Variants in C5 observed in about 807,000 individuals in gnomAD.
C5 encodes the protein C3 and PZP-like alpha-2-macroglobulin domain-containing protein 4.
In C5, 140 loss-of-function variants were observed where a neutral mutation model predicts 218.8. The ratio of observed to expected loss-of-function variants is 0.64; its 90% confidence interval spans 0.56 to 0.74. The LOEUF (loss-of-function observed/expected upper bound fraction) is 0.74. Ranked by LOEUF, C5 falls within the 30% of genes least tolerant of loss-of-function variation. The pLI is 0.00. For missense variants in C5, 1,700 were observed against 1,969.6 expected (o/e 0.86, Z 2.59); for synonymous variants, 614 against 682.3 (o/e 0.90, Z 1.56).
the C5 span, among the ~76,000 whole-genome samples, chr9:121,064,752 C>T: frequency 6.6e-6 from 1 of 152,058 alleles, no homozygotes; most frequent in Non-Finnish European, 1.5e-5. Flanking sequence ...ATTCAAACTA[C>T]AAATTTGGAA....
Position 120,953,719 on chromosome 9 carries a change from T to C in C5, c.4901+11A>G. ...GGGAAGATCAGTGACTGAAAAATAT[T>C]GGTGACTTACCTGAAACTGAAATTG... is the stretch of plus-strand genomic sequence containing the variant. On this transcript the variant is annotated intron_variant, in intron 40 of 40. Coordinates refer to ENST00000223642, the MANE Select transcript of C5 (RefSeq NM_001735.3). 5.6e-6 allele frequency: 9 copies of C among 1,613,842 alleles called. No individual in the cohort carries two copies. Among genetic ancestry groups the C allele is most frequent in the Non-Finnish European group, 7.6e-6 (9 of 1,179,708 alleles).
the C5 span, among the ~76,000 whole-genome samples, chr9:121,069,703 G>C: frequency 6.6e-6 from 1 of 152,016 alleles, no homozygotes; most frequent in African/African-American, 2.4e-5. Flanking sequence ...TAGTAGAGAT[G>C]AGGTCTCACT....
chr9:121,015,725 C>A (rs1212159514), intron 15 of C5, among the ~76,000 whole-genome samples: 13 of 152,134 alleles, frequency 8.5e-5, no homozygotes, highest in Admixed American at 8.5e-4. Flanking sequence ...GCTCCTGATG[C>A]AGTAGGTGAG....
At chr9:121,005,831 C>CT in intron 20 of C5, 88 bp downstream of exon 20, 1 of 1,379,078 alleles carries the variant, frequency 7.3e-7, no homozygotes, top group Non-Finnish European at 1.0e-6. Context: ...TGAACTTCTA[C>CT]TTTTTTGTGT....
At chr9:120,953,966 G>A in intron 39 of C5, 98 bp from the exon 40 acceptor site, 4 of 1,271,492 alleles carry the variant, frequency 3.1e-6, no homozygotes, top group East Asian at 2.3e-5. Context: ...CTATTGAGAG[G>A]TTCATGGCTA....
At chr9:120,966,684 A>T (rs1275310827) in intron 33 of C5, among the ~76,000 whole-genome samples, 2 of 152,148 alleles carry the variant, frequency 1.3e-5, no homozygotes, top group Non-Finnish European at 2.9e-5. Flanking sequence ...ATTTAGGGGG[A>T]AAGAAGCTGC....
At chr9:121,024,907 G>A (rs906148983) in intron 9 of C5, among the ~76,000 whole-genome samples, 2 of 152,092 alleles carry the variant, frequency 1.3e-5, no homozygotes, top group African/African-American at 4.8e-5. Context: ...ATATCTCATA[G>A]ATACTGCTTA....
intron 15 of C5, among the ~76,000 whole-genome samples, chr9:121,015,821 C>T (rs1284061904): frequency 6.6e-6 from 1 of 152,094 alleles, no homozygotes; most frequent in Non-Finnish European, 1.5e-5. Flanking sequence ...GCAATAGCCT[C>T]CCTATTAAAG....
intron 30 of C5, 21 bp from the exon 31 acceptor site, chr9:120,972,013 C>T (rs1588170565): frequency 8.0e-7 from 1 of 1,250,326 alleles, no homozygotes; most frequent in African/African-American, 5.0e-5. Flanking sequence ...AATAGAGAAA[C>T]AAACCATGCT....
At position 120,981,927 on chromosome 9, in the gene C5, C is replaced by G; in HGVS notation, c.3403G>C (p.Val1135Leu). Residue 1135 changes from valine (V) to leucine (L), a missense_variant, in exon 27 of 41, where the codon GTT becomes CTT. Coordinates refer to ENST00000223642, the MANE Select transcript of C5 (RefSeq NM_001735.3). ...TATAAGCTGTTCTCTCGGGCTTCAA[C>G]AGGCAAGGTACCCTAAAAAGAAGCA... ...QPIKLQGTLP[V>L]EARENSLYLT... 1 of 1,613,122 alleles carries G rather than the reference C, an allele frequency of 6.2e-7. No individual in the cohort carries two copies.
intron 20 of C5, 59 bp from the exon 21 acceptor site, chr9:120,997,833 T>G: frequency 7.0e-7 from 1 of 1,428,888 alleles, no homozygotes; most frequent in Non-Finnish European, 9.7e-7. Context: ...GACAGAGTCT[T>G]GCTATGTCGC....
chr9:121,061,839 G>A, the C5 span, among the ~76,000 whole-genome samples: 1 of 152,116 alleles, frequency 6.6e-6, no homozygotes, highest in Admixed American at 6.5e-5. Flanking sequence ...TAGCTCAGCT[G>A]TTTTTATTTT....
chr9:121,062,728 T>C, the C5 span, among the ~76,000 whole-genome samples: 2 of 152,244 alleles, frequency 1.3e-5, no homozygotes, highest in Non-Finnish European at 2.9e-5. Context: ...ATCACCAAAG[T>C]GATGGTATTT....
At chr9:120,964,516 G>A (rs1473295002) in intron 33 of C5, among the ~76,000 whole-genome samples, 1 of 152,146 alleles carries the variant, frequency 6.6e-6, no homozygotes, top group African/African-American at 2.4e-5. Context: ...TAGCTACTTT[G>A]GATGGTGAGA....
At chr9:120,969,936 A>G (rs763594198) in intron 32 of C5, among the ~76,000 whole-genome samples, 28 of 152,250 alleles carry the variant, frequency 1.8e-4, no homozygotes, top group Non-Finnish European at 3.7e-4. Flanking sequence ...ATTGATCAAT[A>G]GCAAATACAT....
At position 120,980,263 on chromosome 9, in the gene C5, A is replaced by C. The variant is rs1232265271; in HGVS notation, c.3487-9T>G. ...AGAGCTGTGTCGATTTTCTGGAAAC[A>C]AGAGAAGATACTTCAGTTTCTATGT... On this transcript the variant is annotated splice_polypyrimidine_tract_variant and intron_variant, in intron 27 of 40. Transcript: ENST00000223642. 6.2e-7 allele frequency: 1 copy of C among 1,613,660 alleles called. No homozygotes were observed. Among genetic ancestry groups the C allele is most frequent in the East Asian group, 2.2e-5 (1 of 44,876 alleles).
chr9:121,009,434 T>C (rs1028037868), intron 17 of C5, among the ~76,000 whole-genome samples: 1 of 152,190 alleles, frequency 6.6e-6, no homozygotes, highest in Non-Finnish European at 1.5e-5. Flanking sequence ...TGAAGACTTG[T>C]GGCAACACTG....
chr9:121,063,968 C>T, the C5 span, among the ~76,000 whole-genome samples: 2 of 151,978 alleles, frequency 1.3e-5, no homozygotes, highest in African/African-American at 2.4e-5. Flanking sequence ...GAATATTATC[C>T]CATTAATGAA....
chr9:120,970,386 G>C, intron 31 of C5, 135 bp from the exon 32 acceptor site: 1 of 703,744 alleles, frequency 1.4e-6, no homozygotes, highest in South Asian at 1.5e-5. Context: ...GTGTACATTA[G>C]TGACTCATTT....
Sources: allele counts gnomAD v4.1 joint callset (sites outside exome capture counted in the v4.1 genomes callset), GRCh38; gene constraint gnomAD v4.1.1; transcripts MANE v1.5; gene names NCBI Gene and HGNC (gene_info 2026-07-23, HGNC 2026-07-21).